Variants in VAV3 observed in about 807,000 individuals in gnomAD.
VAV3 encodes the protein vav guanine nucleotide exchange factor 3, also known as guanine nucleotide exchange factor VAV3.
In VAV3, 94 loss-of-function variants were observed where a neutral mutation model predicts 131.2. The observed-to-expected ratio is 0.72, with a 90% CI of 0.61 to 0.85. The LOEUF is 0.85. Among genes scored for constraint, VAV3 ranks in the 40% least tolerant of loss-of-function variants. The probability of loss-of-function intolerance (pLI) is 0.00; values close to 1 mark genes in which losing one functional copy is unlikely to be tolerated. For synonymous variants in VAV3, 349 were observed against 342.0 expected, an observed-to-expected ratio of 1.02 and a Z score of -0.22; for missense variants, 939 against 1,002.7, an observed-to-expected ratio of 0.94 and a Z score of 0.86.
intron 2 of VAV3, among the ~76,000 whole-genome samples, chr1:107,850,330 A>G (rs1669160450): frequency 6.6e-6 from 1 of 152,206 alleles, no homozygotes; most frequent in Non-Finnish European, 1.5e-5. Flanking sequence ...CTAAATGCCC[A>G]TCAATGATAG....
intron 19 of VAV3, among the ~76,000 whole-genome samples, chr1:107,682,161 T>C (rs1223163654): frequency 6.6e-6 from 1 of 152,166 alleles, no homozygotes; most frequent in Non-Finnish European, 1.5e-5. Context: ...AATTTACTAA[T>C]CTAAATAATG....
chr1:107,945,356 T>C (rs532342541), intron 1 of VAV3, among the ~76,000 whole-genome samples: 68 of 152,324 alleles, frequency 4.5e-4, no homozygotes, highest in African/African-American at 1.5e-3. Flanking sequence ...TTAACAAATA[T>C]CTAAAATTAT....
chr1:107,579,916 C>T (rs1264296265), intron 25 of VAV3, among the ~76,000 whole-genome samples: 2 of 152,222 alleles, frequency 1.3e-5, no homozygotes, highest in South Asian at 2.1e-4. Context: ...GCTGCTCCTT[C>T]CCCGACCTCT....
At chr1:107,930,335 A>C (rs77068826) in intron 1 of VAV3, among the ~76,000 whole-genome samples, 41 of 152,210 alleles carry the variant, frequency 2.7e-4, no homozygotes, top group African/African-American at 9.4e-4. Flanking sequence ...AAACTAAAAA[A>C]TTTTTTTAAA....
At chr1:107,723,527 C>CA (rs941991256) in intron 15 of VAV3, among the ~76,000 whole-genome samples, 4 of 101,584 alleles carry the variant, frequency 3.9e-5, no homozygotes, top group African/African-American at 1.3e-4. Flanking sequence ...GGCTGCTTGA[C>CA]ACACTGCCAG....
At chr1:107,680,262 T>C (rs1405075235) in intron 19 of VAV3, among the ~76,000 whole-genome samples, 1 of 151,402 alleles carries the variant, frequency 6.6e-6, no homozygotes, top group African/African-American at 2.4e-5. Flanking sequence ...CAGTTGACTA[T>C]GTTTATTGGT....
intron 20 of VAV3, among the ~76,000 whole-genome samples, chr1:107,637,305 A>G (rs954310932): frequency 2.4e-4 from 36 of 152,186 alleles, no homozygotes; most frequent in African/African-American, 7.5e-4. Flanking sequence ...GAATAGCCAT[A>G]TGTTTGTTTT....
rs762071696 is a variant in VAV3, at chr1:107,617,644, A to G, written c.1915-12T>C. 1 of 1,612,228 alleles carries G rather than the reference A, an allele frequency of 6.2e-7. No individual in the cohort carries two copies. Among genetic ancestry groups the G allele is most frequent in the South Asian group, 1.1e-5 (1 of 90,640 alleles). On this transcript the variant is annotated splice_polypyrimidine_tract_variant and intron_variant, in intron 20 of 26. Transcript: ENST00000370056. The stretch of plus-strand genomic sequence containing the variant: ...GCTAAATTTCTGCCCTAAGGAAAAA[A>G]AAAAAATGCCAGTGTTGAGAACAAA...
At chr1:107,743,483 G>A (rs1236635309) in intron 15 of VAV3, among the ~76,000 whole-genome samples, 1 of 152,086 alleles carries the variant, frequency 6.6e-6, no homozygotes, top group Non-Finnish European at 1.5e-5. Flanking sequence ...GAAATATCAA[G>A]AGTTCAGTCC....
At chr1:107,689,822 T>TA (rs1367420049) in intron 17 of VAV3, among the ~76,000 whole-genome samples, 1 of 152,222 alleles carries the variant, frequency 6.6e-6, no homozygotes, top group Admixed American at 6.5e-5. Context: ...AGAGGTTCTA[T>TA]AAAAGTGCCA....
intron 19 of VAV3, among the ~76,000 whole-genome samples, chr1:107,673,901 A>G (rs1297888161): frequency 1.3e-5 from 2 of 152,216 alleles, no homozygotes; most frequent in African/African-American, 4.8e-5. Context: ...ACACTTCCTT[A>G]TATTTTCCGA....
intron 20 of VAV3, among the ~76,000 whole-genome samples, chr1:107,621,935 C>T (rs183984809): frequency 6.6e-6 from 1 of 152,166 alleles, no homozygotes; most frequent in African/African-American, 2.4e-5. Context: ...TTGGGTCATT[C>T]TTATGAAAAT....
chr1:107,858,342 A>C (rs908712803), intron 2 of VAV3, among the ~76,000 whole-genome samples: 1 of 152,102 alleles, frequency 6.6e-6, no homozygotes, highest in African/African-American at 2.4e-5. Flanking sequence ...TTCCTTCAAA[A>C]CTATTGCTTT....
At chr1:107,903,936 T>C (rs1286312487) in intron 1 of VAV3, among the ~76,000 whole-genome samples, 1 of 152,162 alleles carries the variant, frequency 6.6e-6, no homozygotes, top group Non-Finnish European at 1.5e-5. Context: ...TGCCTCATAC[T>C]ACTCCTTTGC....
intron 18 of VAV3, chr1:107,686,021 C>T (rs1439262148): frequency 1.1e-4 from 1 of 9,274 alleles, no homozygotes; most frequent in Non-Finnish European, 2.1e-4. Flanking sequence ...CAATGGTGGG[C>T]TGGTTGGGGG....
intron 19 of VAV3, among the ~76,000 whole-genome samples, chr1:107,667,334 G>A (rs183990596): frequency 6.6e-6 from 1 of 152,296 alleles, no homozygotes; most frequent in Admixed American, 6.5e-5. Flanking sequence ...CTGCTAAGTA[G>A]TGAGAAAAAG....
intron 17 of VAV3, among the ~76,000 whole-genome samples, chr1:107,694,679 C>T (rs1167332870): frequency 6.6e-6 from 1 of 152,158 alleles, no homozygotes; most frequent in Non-Finnish European, 1.5e-5. Context: ...CCCCTGCACT[C>T]TCCTGTTTCT....
rs1659050610 is a variant in VAV3, at chr1:107,686,665, A to G, written c.1731+1716T>C. On this transcript the variant is annotated intron_variant, in intron 18 of 26. Coordinates refer to ENST00000370056, the MANE Select transcript of VAV3 (RefSeq NM_006113.5). ...ACAGAGATTTTTAGTACAGTCACAC[A>G]GTAAATAAAAATTATACTTATATTG... is the stretch of plus-strand genomic sequence containing the variant. Among the ~76,000 whole-genome samples the G allele has an allele frequency of 2.6e-5, 4 of 152,346 alleles. No individual in the cohort carries two copies. The South Asian group carries it at 8.3e-4, about 32-fold the overall frequency.
chr1:107,579,129 A>G (rs561427429), intron 25 of VAV3, among the ~76,000 whole-genome samples: 10 of 152,300 alleles, frequency 6.6e-5, no homozygotes, highest in South Asian at 2.1e-4. Flanking sequence ...TCGCATTCCT[A>G]TCAAGTAGCT....
Sources: allele counts gnomAD v4.1 joint callset (sites outside exome capture counted in the v4.1 genomes callset), GRCh38; gene constraint gnomAD v4.1.1; transcripts MANE v1.5; gene names NCBI Gene and HGNC (gene_info 2026-07-23, HGNC 2026-07-21).